LSR: variants seen among roughly 807,000 people sequenced by gnomAD.
LSR encodes lipolysis stimulated lipoprotein receptor, also known as lipolysis-stimulated lipoprotein receptor.
Under a neutral mutation model 61.8 loss-of-function variants are expected in LSR, and 44 were observed. The ratio of observed to expected loss-of-function variants is 0.71; its 90% CI spans 0.56 to 0.91. LSR has a LOEUF of 0.91. Among genes scored for constraint, LSR ranks in the 40% least tolerant of loss-of-function variants. The pLI is 0.00. For missense variants in LSR, 911 were observed against 830.5 expected (o/e 1.10, Z -1.19); for synonymous variants, 397 against 350.6 (o/e 1.13, Z -1.48).
At position 35,261,867 on chromosome 19, in the gene LSR, G is replaced by A. The variant is rs1398606129; in HGVS notation, c.575-58G>A. The stretch of plus-strand genomic sequence containing the variant: ...CCAGCCTGGAGCTGGGCTTTCGGGG[G>A]TGGCACAGCCTGGGCTGGCTCTGGC... On this transcript the variant is annotated intron_variant, in intron 3 of 9. Transcript: ENST00000605618. 7.2e-6 allele frequency: 9 copies of A among 1,249,758 alleles called. No individual in the cohort carries two copies. In the Admixed American group the frequency reaches 2.7e-4, roughly 38 times the overall value. The allele number at this position is 1,249,758 out of a possible 1,614,324, so 77.4% of individuals were successfully genotyped here. A position where few individuals can be genotyped will look rare whatever the true frequency, so the allele number is the denominator to read the frequency against.
rs150172129 is a variant in LSR, at chr19:35,264,971, C to T, written c.779-1388C>T. ...ACCCCAGAGAAGCAGCCTTCCCTCT[C>T]TGAGTCCTGTTTCCTTCTGTTAGGT... On this transcript the variant is annotated intron_variant, in intron 5 of 9. Transcript: ENST00000605618. 2.4e-3 allele frequency among the ~76,000 whole-genome samples: 365 copies of T among 152,308 alleles called. 1 individual carries two copies. The highest frequency in any genetic ancestry group is 8.3e-3 in the African/African-American group (344 of 41,582).
chr19:35,267,512 C>T lies in LSR; in HGVS notation c.1548C>T (p.Pro516=), dbSNP rs1179247535. Residue 516 remains proline, a synonymous_variant, in exon 9 of 10, where the codon CCC becomes CCT. Transcript: ENST00000605618. ...FRSRERPPAD[P]RSHHHRTRDP... is the part of the protein sequence containing the mutation. ...CTCGGGAGCGCCCTCCTGCCGACCC[C>T]AGGTCCCACCACCACCGTACCCGGG... 6.2e-7 allele frequency: 1 copy of T among 1,611,868 alleles called. No individual in the cohort carries two copies. The highest frequency in any genetic ancestry group is 8.5e-7 in the Non-Finnish European group (1 of 1,179,738).
chr19:35,260,623 C>T (rs2065914889), intron 3 of LSR, among the ~76,000 whole-genome samples: 1 of 152,094 alleles, frequency 6.6e-6, no homozygotes, highest in African/African-American at 2.4e-5. Context: ...GCCCAAGATA[C>T]ACAAGGAAGA....
intron 2 of LSR, among the ~76,000 whole-genome samples, chr19:35,257,283 C>CT (rs2065867722): frequency 6.6e-6 from 1 of 152,180 alleles, no homozygotes. Flanking sequence ...GGAGATAAGA[C>CT]TTCAGCAGTT....
chr19:35,249,816 T>C lies in LSR; in HGVS notation c.110-499T>C, dbSNP rs73029972. Among the ~76,000 whole-genome samples the C allele has an allele frequency of 6.3e-3, 963 of 152,236 alleles. 5 individuals are homozygous for C. The highest frequency in any genetic ancestry group is 0.01 in the Non-Finnish European group (713 of 68,006). ...AGGTGGTGGGAGGCTGATGGAGATA[T>C]TGTGGGGGCTTTAGTCCCTCCATGG... On this transcript the variant is annotated intron_variant, in intron 1 of 9. Transcript: ENST00000605618.
chr19:35,259,685 A>T (rs955078308), intron 3 of LSR, among the ~76,000 whole-genome samples: 8 of 151,740 alleles, frequency 5.3e-5, no homozygotes, highest in Non-Finnish European at 1.0e-4. Flanking sequence ...GCAGTGAATG[A>T]GGACAGTTGA....
Position 35,250,766 on chromosome 19 carries a change from G to T in LSR, c.454+107G>T. The T allele has an allele frequency of 4.0e-6, 3 of 751,550 alleles. No homozygotes were observed. The South Asian group carries it at 7.4e-5, about 18-fold the overall frequency. 46.6% of individuals were successfully genotyped at this position (751,550 alleles called of 1,614,324 possible). ...CATCTGAAAGCTCTTGAGTGCCAGT[G>T]TCTGAAAGGACCATTGAAGGGAGCA... is the stretch of plus-strand genomic sequence containing the variant. On this transcript the variant is annotated intron_variant, in intron 2 of 9. Coordinates refer to ENST00000605618, the MANE Select transcript of LSR (RefSeq NM_205834.4).
chr19:35,249,252 C>T, intron 1 of LSR, 121 bp downstream of exon 1: 1 of 1,264,870 alleles, frequency 7.9e-7, no homozygotes, highest in Non-Finnish European at 1.1e-6. Flanking sequence ...ACCTTCCGAT[C>T]CCCTGGGTCT....
rs1491433431 is a variant in LSR at position 35,259,336 on chromosome 19, TTA to T, written c.574+273_574+274del. On this transcript the variant is annotated intron_variant, in intron 3 of 9. Transcript: ENST00000605618. ...ACTCTGCCTTTTCAAAGTCTCATTT[TTA>T]AAAAAAATCCAGACTTGGGGTCCGG... The T allele has an allele frequency of 3.0e-5, 9 of 302,688 alleles. No individual in the cohort carries two copies. In the Admixed American group the frequency reaches 3.8e-4, roughly 13 times the overall value. The allele number at this position is 302,688 out of a possible 1,614,324, so 18.8% of individuals were successfully genotyped here.
chr19:35,256,835 C>CT (rs759264544), intron 2 of LSR, among the ~76,000 whole-genome samples: 13 of 151,262 alleles, frequency 8.6e-5, no homozygotes, highest in Non-Finnish European at 1.8e-4. Context: ...GGTTCGTTTC[C>CT]TTTTTTTTCT....
At chr19:35,256,621 G>A (rs1395323733) in intron 2 of LSR, among the ~76,000 whole-genome samples, 1 of 152,232 alleles carries the variant, frequency 6.6e-6, no homozygotes, top group Non-Finnish European at 1.5e-5. Flanking sequence ...GCTGCAGTTT[G>A]AGAACTGTTG....
At chr19:35,262,749 G>T in intron 5 of LSR, 57 bp downstream of exon 5, 1 of 1,586,762 alleles carries the variant, frequency 6.3e-7, no homozygotes, top group Non-Finnish European at 8.6e-7. Flanking sequence ...TCCAAGGGAA[G>T]GAGGTGGCCA....
At chr19:35,256,743 A>AAAG (rs2065862243) in intron 2 of LSR, among the ~76,000 whole-genome samples, 1 of 151,278 alleles carries the variant, frequency 6.6e-6, no homozygotes, top group African/African-American at 2.4e-5. Context: ...AGAAAGAAAG[A>AAAG]AATGTGTCTT....
intron 2 of LSR, among the ~76,000 whole-genome samples, chr19:35,250,968 G>C (rs942763785): frequency 6.6e-6 from 1 of 151,882 alleles, no homozygotes; most frequent in Admixed American, 6.6e-5. Context: ...GTTAATTTTT[G>C]TATTTTTAGT....
rs1308117539 is a variant in LSR, at chr19:35,266,358, G to C, written c.779-1G>C. On this transcript the variant is annotated splice_acceptor_variant, in intron 5 of 9. Coordinates refer to ENST00000605618, the MANE Select transcript of LSR (RefSeq NM_205834.4). LOFTEE classifies it high-confidence loss of function. ...TTCTCCTGTTGATTGTGTCCTCACA[G>C]TGTATGCCGCCGGCAAAGCAGCCAC... is the stretch of plus-strand genomic sequence containing the variant. 1.3e-6 allele frequency: 2 copies of C among 1,577,338 alleles called. No homozygotes were observed. Among genetic ancestry groups the C allele is most frequent in the Non-Finnish European group, 1.7e-6 (2 of 1,161,044 alleles).
chr19:35,258,696 G>A (rs2065886275), intron 2 of LSR, among the ~76,000 whole-genome samples: 1 of 152,138 alleles, frequency 6.6e-6, no homozygotes, highest in Non-Finnish European at 1.5e-5. Flanking sequence ...GACCCGAAAT[G>A]TCATCCACAA....
intron 2 of LSR, 48 bp downstream of exon 2, chr19:35,250,707 G>A (rs1184825664): frequency 1.4e-6 from 2 of 1,436,362 alleles, no homozygotes; most frequent in African/African-American, 2.9e-5. Context: ...CCCGGGTGGT[G>A]GGACTGGCGT....
At chr19:35,255,925 T>C (rs1465212043) in intron 2 of LSR, among the ~76,000 whole-genome samples, 1 of 151,914 alleles carries the variant, frequency 6.6e-6, no homozygotes, top group Non-Finnish European at 1.5e-5. Context: ...TTTATATTCT[T>C]GATTTTGAGG....
At chr19:35,258,323 A>G (rs964662736) in intron 2 of LSR, among the ~76,000 whole-genome samples, 1 of 152,104 alleles carries the variant, frequency 6.6e-6, no homozygotes, top group Non-Finnish European at 1.5e-5. Context: ...GCAGGTGCCT[A>G]TAATCCCAGC....
Sources: allele counts gnomAD v4.1 joint callset (sites outside exome capture counted in the v4.1 genomes callset), GRCh38; gene constraint gnomAD v4.1.1; transcripts MANE v1.5; gene names NCBI Gene and HGNC (gene_info 2026-07-23, HGNC 2026-07-21).